Variants in CPA6 observed in about 807,000 individuals in gnomAD.
CPA6 encodes the protein carboxypeptidase B.
In CPA6, 58 loss-of-function variants were observed where a neutral mutation model predicts 63.3. That is an observed-to-expected ratio of 0.92 (90% CI 0.74 to 1.14). CPA6 has a LOEUF of 1.14. CPA6 is among the 50% of genes most tolerant of loss of function. The pLI is 0.00. For synonymous variants in CPA6, 185 were observed against 179.0 expected (o/e 1.03, Z -0.27); for missense variants, 565 against 526.6 (o/e 1.07, Z -0.71).
rs139495211 is a variant in CPA6, at chr8:67,739,552, G to A, written c.116+6462C>T. Among the ~76,000 whole-genome samples the A allele has an allele frequency of 2.4e-3, 361 of 152,276 alleles. 4 individuals carry two copies. The highest frequency in any genetic ancestry group is 8.3e-3 in the African/African-American group (343 of 41,546). ...AGAGCACATATTTCAACCTGTCACT[G>A]ATGAGCTGACATGGCCCTTTCCTGC... On this transcript the variant is annotated intron_variant, in intron 1 of 10. Transcript: ENST00000297770.
At chr8:67,498,145 T>A (rs1811760259) in intron 6 of CPA6, among the ~76,000 whole-genome samples, 1 of 152,190 alleles carries the variant, frequency 6.6e-6, no homozygotes, top group Non-Finnish European at 1.5e-5. Context: ...AAGTTCTGTA[T>A]GTGTATCTCT....
intron 2 of CPA6, among the ~76,000 whole-genome samples, chr8:67,539,242 T>C (rs1019044490): frequency 2.0e-5 from 3 of 152,212 alleles, no homozygotes; most frequent in Non-Finnish European, 4.4e-5. Context: ...ATTTTATTTC[T>C]CCTTCACTTA....
chr8:67,572,589 T>C (rs1429662934), intron 2 of CPA6, among the ~76,000 whole-genome samples: 3 of 152,172 alleles, frequency 2.0e-5, no homozygotes, highest in Admixed American at 6.5e-5. Flanking sequence ...ATAGCCTCTT[T>C]TGTATATAAA....
chr8:67,563,210 G>C (rs1237187232), intron 2 of CPA6, among the ~76,000 whole-genome samples: 1 of 151,940 alleles, frequency 6.6e-6, no homozygotes, highest in East Asian at 1.9e-4. Context: ...TGTATGTTTT[G>C]GTGTTAACTA....
chr8:67,604,387 G>A (rs1476299169), intron 2 of CPA6, among the ~76,000 whole-genome samples: 1 of 152,084 alleles, frequency 6.6e-6, no homozygotes, highest in Non-Finnish European at 1.5e-5. Flanking sequence ...GCTCACCCTC[G>A]CCTCCTTCAG....
intron 1 of CPA6, among the ~76,000 whole-genome samples, chr8:67,668,749 A>G (rs1269058149): frequency 6.6e-6 from 1 of 152,208 alleles, no homozygotes; most frequent in Non-Finnish European, 1.5e-5. Context: ...ACTATGTATT[A>G]GGTATGCAAA....
In CPA6 at chr8:67,654,486, T is replaced by G. The variant is rs200407200; in HGVS notation, c.117-30235A>C. Reference sequence around the variant, plus strand: ...TTTAGTCTTGGGAGGGTGTATGTGTTGAGGAATTTACCCATTTCTTCTAGA... The same window carrying G: ...TTTAGTCTTGGGAGGGTGTATGTGTGGAGGAATTTACCCATTTCTTCTAGA... On this transcript the variant is annotated intron_variant, in intron 1 of 10. Transcript: ENST00000297770. 9.9e-5 allele frequency among the ~76,000 whole-genome samples: 15 copies of G among 152,238 alleles called. No individual in the cohort carries two copies. The East Asian group carries it at 2.9e-3, about 29-fold the overall frequency.
intron 2 of CPA6, among the ~76,000 whole-genome samples, chr8:67,573,024 C>T (rs1038681957): frequency 2.0e-5 from 3 of 152,178 alleles, no homozygotes. Context: ...AAGGAAAAAG[C>T]ATGATTATTT....
chr8:67,552,873 T>C (rs1587552357), intron 2 of CPA6, among the ~76,000 whole-genome samples: 1 of 151,730 alleles, frequency 6.6e-6, no homozygotes, highest in East Asian at 1.9e-4. Context: ...GAAATCAATT[T>C]GGTTAAAATA....
intron 1 of CPA6, among the ~76,000 whole-genome samples, chr8:67,632,062 C>T (rs1358326487): frequency 1.3e-5 from 2 of 152,088 alleles, no homozygotes; most frequent in African/African-American, 4.8e-5. Context: ...ATTCTGGACA[C>T]ATTAATATTT....
chr8:67,556,719 T>A (rs542809559), intron 2 of CPA6, among the ~76,000 whole-genome samples: 13 of 152,318 alleles, frequency 8.5e-5, no homozygotes, highest in Non-Finnish European at 1.6e-4. Flanking sequence ...CAAACCCCTA[T>A]CTGGACTCAG....
At position 67,422,669 on chromosome 8, in the gene CPA6, C is replaced by T. The variant is rs1809792635; in HGVS notation, c.1149G>A (p.Met383Ile). 6.2e-7 allele frequency: 1 copy of T among 1,612,872 alleles called. No homozygotes were observed. Among genetic ancestry groups the T allele is most frequent in the Admixed American group, 1.7e-5 (1 of 59,912 alleles). ...TTLYVSSGSS[M>I]DWAYKNGIPY... ...GTATTCCATTTTTGTAGGCCCAATC[C>T]ATTGAGCTACCAGAGCTCACATCTA... is the stretch of plus-strand genomic sequence containing the variant. Residue 383 changes from methionine to isoleucine, a missense_variant, in exon 11 of 11, where the codon ATG (methionine) becomes ATA (isoleucine). Transcript: ENST00000297770.
At chr8:67,514,283 G>A (rs1812100549) in intron 3 of CPA6, among the ~76,000 whole-genome samples, 2 of 152,024 alleles carry the variant, frequency 1.3e-5, no homozygotes, top group South Asian at 4.1e-4. Flanking sequence ...CATCACCAAC[G>A]TTTACAGGTA....
intron 2 of CPA6, among the ~76,000 whole-genome samples, chr8:67,554,586 C>T (rs1039433140): frequency 1.6e-4 from 25 of 152,190 alleles, no homozygotes; most frequent in African/African-American, 5.5e-4. Context: ...GATAGTCTGT[C>T]TGCAAGCTGG....
chr8:67,696,488 T>C (rs1816914813), intron 1 of CPA6, among the ~76,000 whole-genome samples: 1 of 152,172 alleles, frequency 6.6e-6, no homozygotes, highest in Admixed American at 6.5e-5. Flanking sequence ...TAACATACAT[T>C]TACTATATGG....
chr8:67,647,494 A>C (rs1039813405), intron 1 of CPA6, among the ~76,000 whole-genome samples: 5 of 152,106 alleles, frequency 3.3e-5, no homozygotes, highest in Non-Finnish European at 5.9e-5. Flanking sequence ...ATAATCTTGG[A>C]TATGTTAATT....
chr8:67,567,782 T>C (rs1813376820), intron 2 of CPA6, among the ~76,000 whole-genome samples: 1 of 152,190 alleles, frequency 6.6e-6, no homozygotes, highest in African/African-American at 2.4e-5. Context: ...CCAGGGCTCA[T>C]AGTTTCTACA....
chr8:67,423,944 G>A (rs1021128673), intron 10 of CPA6, among the ~76,000 whole-genome samples: 2 of 152,198 alleles, frequency 1.3e-5, no homozygotes, highest in Non-Finnish European at 2.9e-5. Context: ...AGCCAGTGAA[G>A]CTTCACCTGT....
chr8:67,475,800 TC>T (rs1283831672), intron 8 of CPA6, among the ~76,000 whole-genome samples: 3 of 59,584 alleles, frequency 5.0e-5, no homozygotes, highest in Non-Finnish European at 9.3e-5. Context: ...TTTCTTTCTT[TC>T]TTTCTTTCTT....
Sources: allele counts gnomAD v4.1 joint callset (sites outside exome capture counted in the v4.1 genomes callset), GRCh38; gene constraint gnomAD v4.1.1; transcripts MANE v1.5; gene names NCBI Gene and HGNC (gene_info 2026-07-23, HGNC 2026-07-21).